The following GCNT1 variants were observed in gnomAD, a reference collection of about 807,000 sequenced individuals.
The protein encoded by GCNT1 is beta-1,3-galactosyl-O-glycosyl-glycoprotein beta-1,6-N-acetylglucosaminyltransferase.
GCNT1 carries 16 observed loss-of-function variants against 26.2 expected under a neutral mutation model. The observed-to-expected ratio is 0.61, with a 90% confidence interval of 0.41 to 0.93. The LOEUF is 0.93. Ranked by LOEUF, GCNT1 falls within the 40% of genes least tolerant of loss-of-function variation. The pLI, the probability that GCNT1 is intolerant of heterozygous loss-of-function variation, is 0.00. For missense variants in GCNT1, 477 were observed against 526.7 expected, an observed-to-expected ratio of 0.91 and a Z score of 0.92; for synonymous variants, 183 against 190.8, an observed-to-expected ratio of 0.96 and a Z score of 0.34.
At chr9:76,414,514 A>C in the GCNT1 span, among the ~76,000 whole-genome samples, 2 of 152,238 alleles carry the variant, frequency 1.3e-5, no homozygotes, top group Non-Finnish European at 2.9e-5. Context: ...TAGGCAGAGC[A>C]ACCAGGGGGC....
rs1823307666 is a variant in GCNT1, at chr9:76,429,682, T to A, written n.38+9795T>A. 2.6e-5 allele frequency among the ~76,000 whole-genome samples: 4 copies of A among 151,412 alleles called. 1 individual carries two copies. The highest frequency in any genetic ancestry group is 2.6e-4 in the Admixed American group (4 of 15,166). On this transcript the variant is annotated intron_variant and non_coding_transcript_variant, in intron 1 of 3. Transcript: ENST00000488136. ...GCCAGCAAGAAAGTACAAGCCCTAA[T>A]GAATAGAAGGTTTTCAAGCCTCTGT...
At chr9:76,414,914 C>G (rs1355948825), upstream of GCNT1, among the ~76,000 whole-genome samples, 3 of 152,136 alleles carry the variant, frequency 2.0e-5, no homozygotes, top group African/African-American at 7.2e-5. Context: ...ATAAGAATGC[C>G]TAACCTCCTG....
At chr9:76,449,715 T>C (rs905620068) in intron 1 of GCNT1, among the ~76,000 whole-genome samples, 14 of 152,206 alleles carry the variant, frequency 9.2e-5, no homozygotes, top group Non-Finnish European at 1.8e-4. Context: ...TCTAAGCACC[T>C]CTTTGGGATT....
chr9:76,505,543 A>G lies in GCNT1; in HGVS notation c.*1875A>G, dbSNP rs148161706. ...ATAAGACAGGGCACCTTTTAACTCT[A>G]AAACTAGTGATACTCAGTGACATAG... On this transcript the variant is annotated 3_prime_UTR_variant, in exon 4 of 4. Transcript: ENST00000376730. 1 of 166,798 alleles carries G rather than the reference A, an allele frequency of 6.0e-6. No homozygotes were observed. Among genetic ancestry groups the G allele is most frequent in the East Asian group, 1.9e-4 (1 of 5,192 alleles). The allele number at this position is 166,798 out of a possible 1,614,324, so 10.3% of individuals were successfully genotyped here.
intron 3 of GCNT1, chr9:76,501,831 G>T (rs1017226653): frequency 6.6e-6 from 1 of 152,132 alleles, no homozygotes; most frequent in African/African-American, 2.4e-5. Context: ...AACAAGGGGT[G>T]GTAATTCTGG....
At chr9:76,453,500 G>A (rs1361374073) in intron 1 of GCNT1, among the ~76,000 whole-genome samples, 2 of 152,120 alleles carry the variant, frequency 1.3e-5, no homozygotes, top group Non-Finnish European at 2.9e-5. Flanking sequence ...AACTGAATTA[G>A]TGCCATAATA....
At chr9:76,425,094 G>A (rs1172404292) in intron 1 of GCNT1, among the ~76,000 whole-genome samples, 8 of 139,692 alleles carry the variant, frequency 5.7e-5, no homozygotes, top group African/African-American at 1.6e-4. Context: ...AGCCGAGATC[G>A]TGCCACTGCA....
intron 2 of GCNT1, among the ~76,000 whole-genome samples, chr9:76,480,753 A>T (rs1824400308): frequency 6.6e-6 from 1 of 152,210 alleles, no homozygotes; most frequent in Non-Finnish European, 1.5e-5. Flanking sequence ...TGATTACAAG[A>T]AAAAAATTCT....
At chr9:76,467,209 A>AT (rs1564233996) in intron 2 of GCNT1, among the ~76,000 whole-genome samples, 3 of 151,972 alleles carry the variant, frequency 2.0e-5, no homozygotes, top group African/African-American at 7.3e-5. Flanking sequence ...CGCCCAGCTA[A>AT]TTTTTTGTAT....
At chr9:76,394,041 C>T in the GCNT1 span, 3 of 1,530,826 alleles carry the variant, frequency 2.0e-6, no homozygotes, top group South Asian at 1.2e-5. Flanking sequence ...CGTCTCTCCC[C>T]GCTCCCCACG....
At chr9:76,452,437 A>G (rs552406122) in intron 1 of GCNT1, among the ~76,000 whole-genome samples, 1 of 152,296 alleles carries the variant, frequency 6.6e-6, no homozygotes, top group African/African-American at 2.4e-5. Flanking sequence ...GTATCGCTAT[A>G]AAGAACTACC....
chr9:76,415,765 A>G (rs1156441053), upstream of GCNT1, among the ~76,000 whole-genome samples: 1 of 152,224 alleles, frequency 6.6e-6, no homozygotes, highest in African/African-American at 2.4e-5. Context: ...CTAATTACAC[A>G]ATGCTTGGGC....
chr9:76,406,633 G>A, the GCNT1 span, among the ~76,000 whole-genome samples: 9 of 149,534 alleles, frequency 6.0e-5, no homozygotes, highest in East Asian at 2.0e-4. Context: ...CCCAGGAGGC[G>A]AAGGTTGCAG....
At chr9:76,488,302 ACTT>A (rs1274026976) in intron 2 of GCNT1, among the ~76,000 whole-genome samples, 1 of 151,946 alleles carries the variant, frequency 6.6e-6, no homozygotes, top group African/African-American at 2.4e-5. Context: ...TTAGTTGACG[ACTT>A]CTTTCCTTTT....
upstream of GCNT1, among the ~76,000 whole-genome samples, chr9:76,455,863 G>A (rs542901186): frequency 6.6e-6 from 1 of 152,120 alleles, no homozygotes; most frequent in Admixed American, 6.6e-5. Context: ...TCGGCCTCCC[G>A]AAGTGCTGGG....
chr9:76,485,893 T>G lies in GCNT1; in HGVS notation c.-289-15023T>G, dbSNP rs555151825. On this transcript the variant is annotated intron_variant, in intron 2 of 3. Coordinates refer to ENST00000376730, the MANE Select transcript of GCNT1 (RefSeq NM_001490.5). ...GATTACAGGTGTGCGCCACCACATC[T>G]GGTTAATTTTTGTATTTTCAGTAGA... 3.5e-4 allele frequency among the ~76,000 whole-genome samples: 54 copies of G among 152,302 alleles called. 1 individual carries two copies. Among genetic ancestry groups the G allele is most frequent in the African/African-American group, 1.3e-3 (54 of 41,586 alleles).
Position 76,479,693 on chromosome 9 carries a change from C to T in GCNT1, c.-290+19516C>T, listed in dbSNP as rs577813557. 6.1e-4 allele frequency among the ~76,000 whole-genome samples: 93 copies of T among 152,264 alleles called. 1 individual carries two copies. Among genetic ancestry groups the T allele is most frequent in the Non-Finnish European group, 1.1e-3 (73 of 68,026 alleles). On this transcript the variant is annotated intron_variant, in intron 2 of 3. Transcript: ENST00000376730. ...AGTGTCTGTTCATATCCTTCGCCCA[C>T]TTGTTGATGGGGTTGTTTGTTTTTG...
intron 1 of GCNT1, among the ~76,000 whole-genome samples, chr9:76,428,282 A>AAAAAAAAAAAAAG (rs1823284934): frequency 7.0e-6 from 1 of 142,874 alleles, no homozygotes. Context: ...AAAAAAAAAA[A>AAAAAAAAAAAAAG]AAAAAAACTT....
chr9:76,423,685 G>T (rs775089152), intron 1 of GCNT1, among the ~76,000 whole-genome samples: 2 of 152,154 alleles, frequency 1.3e-5, no homozygotes, highest in African/African-American at 4.8e-5. Context: ...ATGATGTTAC[G>T]CTTTTTTTCT....
Sources: gnomAD v4.1 joint callset for allele counts (sites outside exome capture counted in the v4.1 genomes callset) on GRCh38, gnomAD v4.1.1 for gene constraint, MANE v1.5 for transcripts, NCBI Gene and HGNC (gene_info 2026-07-23, HGNC 2026-07-21) for gene names.